Variants in AFMID observed in about 807,000 individuals in gnomAD.
AFMID encodes the protein kynurenine formamidase.
In AFMID, 39 loss-of-function variants were observed where a neutral mutation model predicts 47.5. The observed-to-expected ratio is 0.82, with a 90% CI of 0.64 to 1.07. The LOEUF (loss-of-function observed/expected upper bound fraction) is 1.07, where lower values mean the gene tolerates loss of function less well. Among genes scored for constraint, AFMID ranks in the 50% least tolerant of loss-of-function variants. The probability of loss-of-function intolerance (pLI) is 0.00; values close to 1 mark genes in which losing one functional copy is unlikely to be tolerated. For synonymous variants in AFMID, 130 were observed against 153.2 expected (o/e 0.85, Z 1.12); for missense variants, 375 against 387.5 (o/e 0.97, Z 0.27).
intron 2 of AFMID, among the ~76,000 whole-genome samples, chr17:78,195,092 A>G (rs1043868655): frequency 3.9e-5 from 6 of 152,194 alleles, no homozygotes; most frequent in African/African-American, 1.4e-4. Context: ...TGAGGTCCCT[A>G]GAGAAGTCAA....
At chr17:78,196,993 C>T (rs575475699) in intron 2 of AFMID, 13 of 686,444 alleles carry the variant, frequency 1.9e-5, no homozygotes, top group African/African-American at 1.3e-4. Flanking sequence ...TTCTCTTTCC[C>T]GAGGTTAGTA....
In AFMID at chr17:78,202,536, G is replaced by A. The variant is rs771261392; in HGVS notation, c.192G>A (p.Leu64=). 4.3e-5 allele frequency: 70 copies of A among 1,614,022 alleles called. No individual in the cohort carries two copies. The highest frequency in any genetic ancestry group is 6.7e-5 in the East Asian group (3 of 44,896). Residue 64 remains leucine, a synonymous_variant, in exon 3 of 11, where the codon CTG becomes CTA. Coordinates refer to ENST00000409257, the MANE Select transcript of AFMID (RefSeq NM_001010982.5). The part of the protein sequence containing the change: ...TRARATRKSL[L]HVPYGDGEGE... The stretch of plus-strand genomic sequence containing the variant: ...CCCGGGCCACCAGGAAGAGCCTGCT[G>A]CATGTCCCCTATGGAGACGGCGAAG...
Position 78,202,548 on chromosome 17 carries a change from T to C in AFMID, c.204T>C (p.Tyr68=), listed in dbSNP as rs768151852. 1.2e-6 allele frequency: 2 copies of C among 1,613,538 alleles called. No individual in the cohort carries two copies. The highest frequency in any genetic ancestry group is 1.7e-6 in the Non-Finnish European group (2 of 1,179,884). ...ATRKSLLHVP[Y]GDGEGEKVDI... ...GGAAGAGCCTGCTGCATGTCCCCTA[T>C]GGAGACGGCGAAGGGGAGAAAGTGG... The change falls in exon 3 of 11, where the codon TAT becomes TAC. Residue 68 remains tyrosine, a synonymous_variant. Coordinates refer to ENST00000409257, the MANE Select transcript of AFMID (RefSeq NM_001010982.5).
chr17:78,205,895 C>T (rs748194763), intron 9 of AFMID, 51 bp from the exon 10 acceptor site: 2 of 1,599,490 alleles, frequency 1.3e-6, no homozygotes, highest in East Asian at 4.5e-5. Context: ...TGTCCTGCCC[C>T]ACCTCCCCTC....
At chr17:78,192,715 G>T in intron 2 of AFMID, 1 of 468,198 alleles carries the variant, frequency 2.1e-6, no homozygotes, top group African/African-American at 2.0e-5. Context: ...GCAAAGTGCT[G>T]TACCACGATC....
chr17:78,191,079 C>A lies in AFMID; in HGVS notation c.154+19C>A. 2 of 1,607,002 alleles carry A rather than the reference C, an allele frequency of 1.2e-6. No individual in the cohort carries two copies. The highest frequency in any genetic ancestry group is 8.5e-7 in the Non-Finnish European group (1 of 1,174,668). On this transcript the variant is annotated intron_variant, in intron 2 of 10. Coordinates refer to ENST00000409257, the MANE Select transcript of AFMID (RefSeq NM_001010982.5). ...ATTGAAGGTACTAGTGTGACCTCTC[C>A]GTGGCCGCATTGGGTGTCCTTAAGC... is the stretch of plus-strand genomic sequence containing the variant.
At chr17:78,204,395 G>A (rs113864271) in intron 4 of AFMID, among the ~76,000 whole-genome samples, 2,053 of 152,218 alleles carry the variant, frequency 0.013, 33 homozygotes, top group South Asian at 0.057. Context: ...ATCCATGATC[G>A]CACCATTGCA....
chr17:78,200,664 G>T (rs1485521596), intron 2 of AFMID, among the ~76,000 whole-genome samples: 2 of 152,204 alleles, frequency 1.3e-5, no homozygotes, highest in East Asian at 3.8e-4. Context: ...AACGCCTGGA[G>T]CCACCAGGAG....
chr17:78,201,340 G>A (rs2076238106), intron 2 of AFMID, among the ~76,000 whole-genome samples: 1 of 151,618 alleles, frequency 6.6e-6, no homozygotes, highest in Non-Finnish European at 1.5e-5. Flanking sequence ...AAAGCAAGAG[G>A]CCAGGCACAG....
chr17:78,203,382 T>A (rs75825200), intron 4 of AFMID: 23,446 of 127,648 alleles, frequency 0.18, 2,169 homozygotes, highest in East Asian at 0.42. Context: ...TTTTTTTTTT[T>A]ATAAGGTCAT....
intron 2 of AFMID, chr17:78,197,468 C>T: frequency 2.5e-6 from 1 of 400,870 alleles, no homozygotes; most frequent in Non-Finnish European, 4.5e-6. Context: ...GGTCTGCAGC[C>T]CTGGGGCTTA....
intron 2 of AFMID, 71 bp from the exon 3 acceptor site, chr17:78,202,428 C>CA (rs959325592): frequency 6.1e-5 from 91 of 1,490,518 alleles, no homozygotes; most frequent in African/African-American, 9.8e-5. Flanking sequence ...GACTTCGTCT[C>CA]AAAAAAAAGA....
intron 2 of AFMID, among the ~76,000 whole-genome samples, chr17:78,200,883 C>T (rs949321813): frequency 2.6e-5 from 4 of 152,180 alleles, no homozygotes; most frequent in African/African-American, 9.6e-5. Flanking sequence ...AGACCAGGTT[C>T]CTTCTCCCAA....
At chr17:78,194,014 G>C (rs527710975) in intron 2 of AFMID, among the ~76,000 whole-genome samples, 1 of 151,202 alleles carries the variant, frequency 6.6e-6, no homozygotes, top group East Asian at 1.9e-4. Flanking sequence ...GCAGGGTGCC[G>C]TAGTGTGCAC....
At chr17:78,203,356 A>C (rs1599012480) in intron 4 of AFMID, 1 of 127,290 alleles carries the variant, frequency 7.9e-6, no homozygotes, top group Non-Finnish European at 1.6e-5. Context: ...CCACCACACC[A>C]GCCTCCTTTT....
rs192850378 is a variant in AFMID at position 78,199,268 on chromosome 17, C to T, written c.155-3231C>T. Among the ~76,000 whole-genome samples, 242 of 151,592 alleles carry T rather than the reference C, an allele frequency of 1.6e-3. 2 individuals carry two copies. Among genetic ancestry groups the T allele is most frequent in the African/African-American group, 5.7e-3 (231 of 40,870 alleles). On this transcript the variant is annotated intron_variant, in intron 2 of 10. Coordinates refer to ENST00000409257, the MANE Select transcript of AFMID (RefSeq NM_001010982.5). ...TTATGGTTCTGCATTCTGGCATAGA[C>T]GCAATTCGTACAAGCTCTCAGCCCC...
intron 2 of AFMID, among the ~76,000 whole-genome samples, chr17:78,199,055 G>A (rs140860113): frequency 8.5e-5 from 13 of 152,280 alleles, no homozygotes; most frequent in Admixed American, 3.3e-4. Context: ...ATAGCTTCTC[G>A]TCAGTACGTC....
rs1474418962 is a variant in AFMID, at chr17:78,207,438, C to T, written c.*501C>T. The T allele has an allele frequency of 6.4e-6, 1 of 155,114 alleles. No homozygotes were observed. The highest frequency in any genetic ancestry group is 6.5e-5 in the Admixed American group (1 of 15,312). 9.6% of individuals were successfully genotyped at this position (155,114 alleles called of 1,614,324 possible). On this transcript the variant is annotated 3_prime_UTR_variant, in exon 11 of 11. Transcript: ENST00000409257. Reference sequence around the variant, plus strand: ...AGCTGGGACTACAGGCGCCTGCCATCATGCCTGGCTAATTTTTGTATTTTT... The same window carrying T: ...AGCTGGGACTACAGGCGCCTGCCATTATGCCTGGCTAATTTTTGTATTTTT...
Position 78,187,369 on chromosome 17 carries a change from C to T in AFMID, c.-2C>T. ...ACGCACGCCCATGCGGCTGTAGACGCCATGATGGATGTGTCTGGTGTGGGT... is the reference window on the plus strand; with the variant it reads ...ACGCACGCCCATGCGGCTGTAGACGTCATGATGGATGTGTCTGGTGTGGGT... On this transcript the variant is annotated 5_prime_UTR_variant, in exon 1 of 11. Coordinates refer to ENST00000409257, the MANE Select transcript of AFMID (RefSeq NM_001010982.5). The T allele has an allele frequency of 1.9e-6, 3 of 1,613,846 alleles. No individual in the cohort carries two copies. The highest frequency in any genetic ancestry group is 2.2e-5 in the South Asian group (2 of 91,084).
Sources: allele counts gnomAD v4.1 joint callset (sites outside exome capture counted in the v4.1 genomes callset), GRCh38; gene constraint gnomAD v4.1.1; transcripts MANE v1.5; gene names NCBI Gene and HGNC (gene_info 2026-07-23, HGNC 2026-07-21).